The following EYS variants were observed in gnomAD, a reference collection of about 807,000 sequenced individuals.
The protein encoded by EYS is protein eyes shut homolog.
A neutral mutation model predicts 282.1 loss-of-function variants in EYS; 250 were observed. The ratio of observed to expected loss-of-function variants is 0.89; its 90% confidence interval spans 0.80 to 0.98. The LOEUF is 0.98. Among genes scored for constraint, EYS ranks in the 50% least tolerant of loss-of-function variants. The probability of loss-of-function intolerance (pLI) is 0.00; values close to 1 mark genes in which losing one functional copy is unlikely to be tolerated. For missense variants in EYS, 4,016 were observed against 3,709.0 expected (o/e 1.08, Z -2.15); for synonymous variants, 1,355 against 1,282.9 (o/e 1.06, Z -1.20).
At chr6:64,588,840 G>C (rs1281515871) in intron 26 of EYS, among the ~76,000 whole-genome samples, 1 of 149,732 alleles carries the variant, frequency 6.7e-6, no homozygotes, top group African/African-American at 2.4e-5. Flanking sequence ...TAAATGACTA[G>C]AAAGGCAAGA....
chr6:64,303,077 A>G (rs1007243810), intron 30 of EYS, among the ~76,000 whole-genome samples: 1 of 152,246 alleles, frequency 6.6e-6, no homozygotes, highest in South Asian at 2.1e-4. Context: ...AGACACACAC[A>G]TCATTCACTC....
At chr6:64,079,815 G>A (rs952844554) in intron 32 of EYS, among the ~76,000 whole-genome samples, 1 of 151,948 alleles carries the variant, frequency 6.6e-6, no homozygotes, top group Non-Finnish European at 1.5e-5. Flanking sequence ...CAGAATATGC[G>A]ATGTTTGGTT....
chr6:64,089,098 G>A (rs1772262182), intron 31 of EYS, among the ~76,000 whole-genome samples: 1 of 151,812 alleles, frequency 6.6e-6, no homozygotes, highest in South Asian at 2.1e-4. Context: ...TCCCCAGAAA[G>A]GACATCGTAC....
chr6:65,181,040 T>TCATA lies in EYS; in HGVS notation c.2023+114819_2023+114822dup, dbSNP rs546410530. Reference sequence around the variant, plus strand: ...TGAAACTGGATCCCTTCCTTACACCTCATACAAAAATTAATTCAAGATGTA... The same window carrying TCATA: ...TGAAACTGGATCCCTTCCTTACACCTCATACATACAAAAATTAATTCAAGATGTA... On this transcript the variant is annotated intron_variant, in intron 12 of 42. Transcript: ENST00000503581. Among the ~76,000 whole-genome samples, 256 of 152,220 alleles carry TCATA rather than the reference T, an allele frequency of 1.7e-3. 2 individuals are homozygous for TCATA. The highest frequency in any genetic ancestry group is 5.8e-3 in the African/African-American group (241 of 41,550).
chr6:65,094,555 GAAT>G (rs1774682356), intron 12 of EYS, among the ~76,000 whole-genome samples: 1 of 151,038 alleles, frequency 6.6e-6, no homozygotes, highest in Admixed American at 6.6e-5. Flanking sequence ...ATGAAACTGA[GAAT>G]AACAGAAGAC....
intron 5 of EYS, among the ~76,000 whole-genome samples, chr6:65,459,966 TTTTATATA>T (rs1468027061): frequency 9.7e-5 from 6 of 62,164 alleles, no homozygotes; most frequent in African/African-American, 3.2e-4. Flanking sequence ...TGTTTGTGTA[TTTTATATA>T]TATATATATA....
intron 36 of EYS, among the ~76,000 whole-genome samples, chr6:63,827,275 C>G (rs1337503061): frequency 2.0e-5 from 3 of 152,118 alleles, no homozygotes; most frequent in African/African-American, 7.2e-5. Context: ...ATTTATAAAA[C>G]AATTACTAAT....
intron 31 of EYS, among the ~76,000 whole-genome samples, chr6:64,133,476 T>TCACACACACACACACACACACACA (rs61088369): frequency 7.0e-6 from 1 of 142,354 alleles, no homozygotes; most frequent in Non-Finnish European, 1.6e-5. Context: ...TTGCATTACT[T>TCACACACACACACACACACACACA]CACACACACA....
intron 22 of EYS, among the ~76,000 whole-genome samples, chr6:64,754,906 A>T (rs1194462387): frequency 6.6e-6 from 1 of 152,196 alleles, no homozygotes; most frequent in African/African-American, 2.4e-5. Context: ...CACTTTCATC[A>T]GTACTATTCA....
chr6:64,439,428 C>G, intron 26 of EYS, 76 bp from the exon 27 acceptor site: 1 of 955,718 alleles, frequency 1.0e-6, no homozygotes, highest in Non-Finnish European at 1.5e-6. Flanking sequence ...ATTAACATAG[C>G]ATATGTTTTC....
At chr6:64,234,534 T>G (rs185830006) in intron 30 of EYS, among the ~76,000 whole-genome samples, 2 of 152,304 alleles carry the variant, frequency 1.3e-5, no homozygotes, top group East Asian at 3.9e-4. Context: ...ATAACTTTAT[T>G]TTCAATAGTT....
At chr6:65,023,644 C>T (rs1383210625) in intron 13 of EYS, among the ~76,000 whole-genome samples, 1 of 152,170 alleles carries the variant, frequency 6.6e-6, no homozygotes, top group East Asian at 1.9e-4. Context: ...TATAGTGAGA[C>T]CTTCCAGTTT....
chr6:64,154,169 G>A (rs542958996), intron 31 of EYS, among the ~76,000 whole-genome samples: 3 of 152,224 alleles, frequency 2.0e-5, no homozygotes, highest in Admixed American at 6.5e-5. Flanking sequence ...GGCTGGGAGC[G>A]GTGGCTCACG....
chr6:63,825,050 G>A (rs1260753605), intron 36 of EYS, among the ~76,000 whole-genome samples: 3 of 152,138 alleles, frequency 2.0e-5, no homozygotes, highest in Non-Finnish European at 4.4e-5. Flanking sequence ...ATAGACTCGG[G>A]GCTGTTGTTG....
chr6:63,777,354 A>G (rs319924), intron 40 of EYS, among the ~76,000 whole-genome samples: 77,963 of 151,904 alleles, frequency 0.51, 21,975 homozygotes, highest in African/African-American at 0.75. Context: ...GTGTCCTGTG[A>G]GGAGCATTTT....
Position 63,767,613 on chromosome 6 carries a change from A to G in EYS, c.7899-4980T>C, listed in dbSNP as rs184006455. Among the ~76,000 whole-genome samples the G allele has an allele frequency of 2.0e-5, 3 of 152,296 alleles. No individual in the cohort carries two copies. The East Asian group carries it at 5.8e-4, about 29-fold the overall frequency. The stretch of plus-strand genomic sequence containing the variant: ...ACAAATGAAAAAAGATTTCCTGCTC[A>G]TGGAAAGGAAGAATCAATATGGTTA... On this transcript the variant is annotated intron_variant, in intron 40 of 42. Transcript: ENST00000503581.
In EYS at chr6:65,312,347, A is replaced by G. The variant is rs550903790; in HGVS notation, c.1767-16228T>C. Among the ~76,000 whole-genome samples the G allele has an allele frequency of 4.8e-3, 723 of 152,030 alleles. 5 individuals carry two copies. The highest frequency in any genetic ancestry group is 0.016 in the African/African-American group (662 of 41,454). On this transcript the variant is annotated intron_variant, in intron 11 of 42. Coordinates refer to ENST00000503581, the MANE Select transcript of EYS (RefSeq NM_001142800.2). The stretch of plus-strand genomic sequence containing the variant: ...ATTAAGTGATCAGTTATTGCTCCCA[A>G]GGTTTCTGTCATCTGGGTTTAGGGT...
intron 26 of EYS, among the ~76,000 whole-genome samples, chr6:64,587,860 T>G (rs1766280742): frequency 6.6e-6 from 1 of 151,966 alleles, no homozygotes; most frequent in South Asian, 2.1e-4. Context: ...AAACTAAGAC[T>G]CCAGAAGCTG....
At chr6:64,405,174 T>C (rs1335747769) in intron 28 of EYS, among the ~76,000 whole-genome samples, 2 of 152,068 alleles carry the variant, frequency 1.3e-5, no homozygotes, top group Non-Finnish European at 2.9e-5. Flanking sequence ...TCACATTCAG[T>C]TTTCACATCC....
Sources: allele counts gnomAD v4.1 joint callset (sites outside exome capture counted in the v4.1 genomes callset), GRCh38; gene constraint gnomAD v4.1.1; transcripts MANE v1.5; gene names NCBI Gene and HGNC (gene_info 2026-07-23, HGNC 2026-07-21).